POLE: variants seen among roughly 807,000 people sequenced by gnomAD.
POLE encodes the protein DNA polymerase epsilon catalytic subunit A.
A neutral mutation model predicts 279.2 loss-of-function variants in POLE; 188 were observed. The observed-to-expected ratio is 0.67, with a 90% CI of 0.60 to 0.76. The LOEUF (loss-of-function observed/expected upper bound fraction) is 0.76, where lower values mean the gene tolerates loss of function less well. Among genes scored for constraint, POLE ranks in the 30% least tolerant of loss-of-function variants. POLE has a pLI of 0.00. For synonymous variants in POLE, 1,214 were observed against 1,172.5 expected (o/e 1.04, Z -0.72); for missense variants, 2,703 against 3,016.7 (o/e 0.90, Z 2.44).
In POLE at chr12:132,638,136, G is replaced by A. The variant is rs1305040569; in HGVS notation, c.5556C>T (p.Leu1852=). 6.2e-7 allele frequency: 1 copy of A among 1,613,576 alleles called. No individual in the cohort carries two copies. Among genetic ancestry groups the A allele is most frequent in the Non-Finnish European group, 8.5e-7 (1 of 1,179,766 alleles). The part of the protein sequence containing the change: ...HNMMKKLFLQ[L]IAEFKRLGSS... ...ACCCCAGGCGCTTGAACTCAGCGATGAGCCTGTGGAGCAAGTTGAGAGTCC... is the reference window on the plus strand; with the variant it reads ...ACCCCAGGCGCTTGAACTCAGCGATAAGCCTGTGGAGCAAGTTGAGAGTCC... Residue 1852 remains leucine, a synonymous_variant, in exon 41 of 49, where the codon CTC becomes CTT. Coordinates refer to ENST00000320574, the MANE Select transcript of POLE (RefSeq NM_006231.4).
intron 21 of POLE, 130 bp downstream of exon 21, chr12:132,665,172 C>T: frequency 9.8e-7 from 1 of 1,016,030 alleles, no homozygotes; most frequent in South Asian, 1.5e-5. Flanking sequence ...CAGCCCAAAG[C>T]CTTCTCCCTC....
At chr12:132,627,023 G>A (rs891922909) in intron 45 of POLE, among the ~76,000 whole-genome samples, 6 of 152,240 alleles carry the variant, frequency 3.9e-5, no homozygotes, top group African/African-American at 1.4e-4. Flanking sequence ...GCTCACGCCT[G>A]TAATCCCAGC....
chr12:132,646,739 G>A (rs547248126), intron 32 of POLE, among the ~76,000 whole-genome samples: 2 of 152,234 alleles, frequency 1.3e-5, no homozygotes, highest in East Asian at 1.9e-4. Flanking sequence ...GGCTGAGGCA[G>A]GAGAATTTCT....
chr12:132,681,759 A>G (rs1018086500), intron 1 of POLE, among the ~76,000 whole-genome samples: 1 of 152,236 alleles, frequency 6.6e-6, no homozygotes, highest in African/African-American at 2.4e-5. Flanking sequence ...CAACTTTATA[A>G]CCAGAATACT....
chr12:132,674,097 G>A (rs2042990506), intron 12 of POLE, among the ~76,000 whole-genome samples: 1 of 152,068 alleles, frequency 6.6e-6, no homozygotes, highest in South Asian at 2.1e-4. Context: ...CTTCAGCACG[G>A]AAACACTCAA....
At chr12:132,678,151 C>A (rs547048762) in intron 6 of POLE, among the ~76,000 whole-genome samples, 1 of 152,208 alleles carries the variant, frequency 6.6e-6, no homozygotes, top group East Asian at 1.9e-4. Context: ...GCACTCCAGC[C>A]TGGGCAACAG....
chr12:132,673,300 C>T (rs2135997317), intron 13 of POLE, 23 bp from the exon 14 acceptor site: 2 of 1,499,130 alleles, frequency 1.3e-6, no homozygotes, highest in Non-Finnish European at 9.3e-7. Flanking sequence ...CGCCAGAGAG[C>T]AGGGCCATCA....
chr12:132,642,381 T>C lies in POLE; in HGVS notation c.4969A>G (p.Ile1657Val), dbSNP rs1198380388. ...FEMSRYFHIP[I>V]GNLPEDISTF... ...GAGATGTCCTCTGGTAGGTTCCCAA[T>C]GGGAATGTGAAAGTACCTGCACCAG... Residue 1657 changes from isoleucine to valine, a missense_variant, in exon 38 of 49, where the codon ATT (isoleucine) becomes GTT (valine). This residue lies in a region of POLE where 1,551 missense variants were observed against 1,686.1 expected (regional missense o/e 0.92). Transcript: ENST00000320574. The C allele has an allele frequency of 1.9e-6, 3 of 1,578,318 alleles. No individual in the cohort carries two copies. Among genetic ancestry groups the C allele is most frequent in the African/African-American group, 1.3e-5 (1 of 74,196 alleles).
At chr12:132,644,003 G>A (rs571766698) in intron 32 of POLE, 26 bp from the exon 33 acceptor site, 188 of 1,605,474 alleles carry the variant, frequency 1.2e-4, no homozygotes, top group Non-Finnish European at 1.6e-4. Flanking sequence ...CGATGATCTC[G>A]TCACTGGGCG....
chr12:132,681,402 G>A (rs1158158787), intron 1 of POLE, 123 bp from the exon 2 acceptor site: 10 of 969,300 alleles, frequency 1.0e-5, no homozygotes, highest in African/African-American at 7.0e-5. Context: ...GGAGTGCAGT[G>A]GTGTGATCTC....
intron 26 of POLE, 79 bp downstream of exon 26, chr12:132,659,216 C>T: frequency 7.0e-6 from 10 of 1,437,512 alleles, no homozygotes; most frequent in Non-Finnish European, 9.5e-6. Context: ...GGAGCCCTCA[C>T]CTCTCCGTGA....
At chr12:132,683,087 C>T (rs780479796) in intron 1 of POLE, among the ~76,000 whole-genome samples, 3 of 152,150 alleles carry the variant, frequency 2.0e-5, no homozygotes, top group Non-Finnish European at 4.4e-5. Context: ...CCTTACTTCT[C>T]ATGAAAGATT....
At position 132,675,978 on chromosome 12, in the gene POLE, G is replaced by A; in HGVS notation, c.1020+116C>T. 1.1e-6 allele frequency: 1 copy of A among 930,450 alleles called. No individual in the cohort carries two copies. The highest frequency in any genetic ancestry group is 1.7e-6 in the Non-Finnish European group (1 of 595,850). 57.6% of individuals were successfully genotyped at this position (930,450 alleles called of 1,614,324 possible). On this transcript the variant is annotated intron_variant, in intron 10 of 48. Coordinates refer to ENST00000320574, the MANE Select transcript of POLE (RefSeq NM_006231.4). The surrounding 1 kb of genome is among the most constrained non-coding windows in gnomAD (Gnocchi z 4.3). ...GGCAGAAAAGACGGTCATACCCTGA[G>A]AACAAAGCTCATGGAGCTGCAATTC...
chr12:132,643,956 A>G lies in POLE; in HGVS notation c.4171T>C (p.Ser1391Pro), dbSNP rs2138561887. Residue 1391 changes from serine to proline, a missense_variant, in exon 33 of 49, where the codon TCC becomes CCC. Ser to Pro is a moderately conservative substitution (Grantham distance 74). Coordinates refer to ENST00000320574, the MANE Select transcript of POLE (RefSeq NM_006231.4). ...YRKVNRVLPR[S>P]NMVYNLYEYS... The stretch of plus-strand genomic sequence containing the variant: ...TCATAGAGATTGTAGACCATGTTGG[A>G]GCGAGGAAGGACCCGATTTACCTGG... 6.2e-7 allele frequency: 1 copy of G among 1,613,476 alleles called. No individual in the cohort carries two copies. Among genetic ancestry groups the G allele is most frequent in the Admixed American group, 1.7e-5 (1 of 59,962 alleles).
chr12:132,634,515 C>A lies in POLE; in HGVS notation c.5812-137G>T. ...GAGGCCTTCCTCGCAGTCAAGGCAT[C>A]CCCTGGAGCCTGCGTGAATCCCCCA... On this transcript the variant is annotated intron_variant, in intron 42 of 48. Transcript: ENST00000320574. This position sits in a 1 kb window ranked among gnomAD's most constrained non-coding sequence, Gnocchi z 4.0. 5 of 823,348 alleles carry A rather than the reference C, an allele frequency of 6.1e-6. No homozygotes were observed. The Admixed American group carries it at 9.3e-5, about 15-fold the overall frequency. 51.0% of individuals were successfully genotyped at this position (823,348 alleles called of 1,614,324 possible).
chr12:132,676,106 A>C lies in POLE; in HGVS notation c.1008T>G (p.Asn336Lys). ...PEYEGPFCVF[N>K]EPDEAHLIQR... Reference sequence around the variant, plus strand: ...GATACCTCCTTACCTCATCGGGTTCATTGAAGACACAAAAGGGGCCTTCAT... The same window carrying C: ...GATACCTCCTTACCTCATCGGGTTCCTTGAAGACACAAAAGGGGCCTTCAT... Residue 336 changes from asparagine (N) to lysine (K), a missense_variant, in exon 10 of 49, where the codon AAT becomes AAG. Around this residue, in one of 5 missense-constraint regions of POLE, gnomAD observed 1,011 missense variants for 1,111.7 expected, o/e 0.91. Coordinates refer to ENST00000320574, the MANE Select transcript of POLE (RefSeq NM_006231.4). The C allele has an allele frequency of 6.2e-7, 1 of 1,604,508 alleles. No individual in the cohort carries two copies. The highest frequency in any genetic ancestry group is 8.5e-7 in the Non-Finnish European group (1 of 1,173,976).
intron 29 of POLE, 83 bp downstream of exon 29, chr12:132,657,053 A>G (rs1368992404): frequency 6.9e-7 from 1 of 1,446,858 alleles, no homozygotes; most frequent in Admixed American, 1.8e-5. Flanking sequence ...GCTTCACTAC[A>G]GCACACACAG....
intron 42 of POLE, among the ~76,000 whole-genome samples, chr12:132,635,179 G>C (rs560315807): frequency 6.6e-6 from 1 of 152,174 alleles, no homozygotes; most frequent in African/African-American, 2.4e-5. Context: ...TCTCAACCTT[G>C]CAAACACCAT....
chr12:132,624,222 C>T lies in POLE; in HGVS notation c.*475G>A, dbSNP rs1403741450. 1 of 234,602 alleles carries T rather than the reference C, an allele frequency of 4.3e-6. No homozygotes were observed. The highest frequency in any genetic ancestry group is 8.4e-6 in the Non-Finnish European group (1 of 118,362). 14.5% of individuals were successfully genotyped at this position (234,602 alleles called of 1,614,324 possible). On this transcript the variant is annotated 3_prime_UTR_variant, in exon 49 of 49. Transcript: ENST00000320574. The stretch of plus-strand genomic sequence containing the variant: ...TGTGGGGCCAGCCCATTTCTCCATG[C>T]AAACAGGTGAGACTCCAGCCCCACC...
Sources: gnomAD v4.1 joint callset for allele counts (sites outside exome capture counted in the v4.1 genomes callset) on GRCh38, gnomAD v4.1.1 for gene constraint, gnomAD v4.1.1 regional missense constraint, Gnocchi (gnomAD v3.1) non-coding constraint, MANE v1.5 for transcripts, NCBI Gene and HGNC (gene_info 2026-07-23, HGNC 2026-07-21) for gene names.